PIP4P2: variants seen among roughly 807,000 people sequenced by gnomAD.
PIP4P2 encodes type 2 phosphatidylinositol 4,5-bisphosphate 4-phosphatase.
PIP4P2 carries 19 observed loss-of-function variants against 33.3 expected under a neutral mutation model. The ratio of observed to expected loss-of-function variants is 0.57; its 90% CI spans 0.40 to 0.84. The LOEUF is 0.84. Among genes scored for constraint, PIP4P2 ranks in the 40% least tolerant of loss-of-function variants. The pLI is 0.00. For missense variants in PIP4P2, 270 were observed against 324.7 expected, an observed-to-expected ratio of 0.83 and a Z score of 1.29; for synonymous variants, 110 against 111.9, an observed-to-expected ratio of 0.98 and a Z score of 0.11.
chr8:91,040,530 C>A, intron 1 of PIP4P2, 114 bp downstream of exon 1: 1 of 1,237,584 alleles, frequency 8.1e-7, no homozygotes, highest in Non-Finnish European at 1.2e-6. Context: ...TTCCTCAGCC[C>A]AAGCGAGAGG....
chr8:91,038,829 A>C (rs1286488893), intron 1 of PIP4P2, among the ~76,000 whole-genome samples: 1 of 152,210 alleles, frequency 6.6e-6, no homozygotes, highest in Non-Finnish European at 1.5e-5. Flanking sequence ...TTCACCAATT[A>C]AGAAAAAATG....
chr8:91,007,416 C>T (rs1811777937), intron 5 of PIP4P2, among the ~76,000 whole-genome samples: 1 of 152,034 alleles, frequency 6.6e-6, no homozygotes, highest in African/African-American at 2.4e-5. Flanking sequence ...TCCTATAAAC[C>T]ATTCTTGGGA....
chr8:91,040,418 T>TCACCACCAC lies in PIP4P2; in HGVS notation c.106+217_106+225dup, dbSNP rs58764824. 5.2e-4 allele frequency among the ~76,000 whole-genome samples: 68 copies of TCACCACCAC among 131,582 alleles called. 1 individual carries two copies. In the East Asian group the frequency reaches 0.01, roughly 20 times the overall value. 86.3% of individuals were successfully genotyped at this position (131,582 alleles called of 152,430 possible). ...ATCACCACCACCACCACCACCACCA[T>TCACCACCAC]CACCACCACCACCACCACCACCATC... On this transcript the variant is annotated intron_variant, in intron 1 of 6. Transcript: ENST00000285419.
At chr8:91,035,610 T>A (rs915889273) in intron 1 of PIP4P2, among the ~76,000 whole-genome samples, 1 of 152,224 alleles carries the variant, frequency 6.6e-6, no homozygotes, top group Non-Finnish European at 1.5e-5. Flanking sequence ...TTCAAAGCTT[T>A]GTCCAGGCTT....
At chr8:91,028,825 A>G (rs1159202956) in intron 1 of PIP4P2, among the ~76,000 whole-genome samples, 1 of 152,176 alleles carries the variant, frequency 6.6e-6, no homozygotes, top group Admixed American at 6.5e-5. Flanking sequence ...CTGCTTCATA[A>G]CTGAAGTGAT....
chr8:91,008,400 T>C (rs943925893), intron 5 of PIP4P2, among the ~76,000 whole-genome samples: 2 of 152,004 alleles, frequency 1.3e-5, no homozygotes, highest in Non-Finnish European at 2.9e-5. Flanking sequence ...ACAATTTGAG[T>C]TTTCTCCTAG....
At position 91,034,024 on chromosome 8, in the gene PIP4P2, G is replaced by A. The variant is rs117483084; in HGVS notation, c.106+6620C>T. Among the ~76,000 whole-genome samples, 153 of 151,984 alleles carry A rather than the reference G, an allele frequency of 1.0e-3. 3 individuals are homozygous for A. In the East Asian group the frequency reaches 0.028, roughly 28 times the overall value. On this transcript the variant is annotated intron_variant, in intron 1 of 6. Coordinates refer to ENST00000285419, the MANE Select transcript of PIP4P2 (RefSeq NM_018710.3). ...GCACTCTTTCAGTAAATCTTCCAAA[G>A]GCTGATCCAACTCATGTTTCAGGTC...
At chr8:91,011,738 T>A (rs1424113942) in intron 4 of PIP4P2, among the ~76,000 whole-genome samples, 1 of 152,010 alleles carries the variant, frequency 6.6e-6, no homozygotes, top group African/African-American at 2.4e-5. Context: ...TTATCCATGG[T>A]CCCAGCTAGG....
intron 4 of PIP4P2, among the ~76,000 whole-genome samples, chr8:91,016,412 A>G (rs113827145): frequency 3.3e-5 from 5 of 152,302 alleles, no homozygotes; most frequent in Admixed American, 1.3e-4. Context: ...AGAACACTGA[A>G]GAAAATGAAA....
intron 5 of PIP4P2, among the ~76,000 whole-genome samples, chr8:91,002,994 T>C (rs1172945057): frequency 6.6e-6 from 1 of 152,222 alleles, no homozygotes; most frequent in African/African-American, 2.4e-5. Flanking sequence ...GAGTTTGATT[T>C]TGGATTTTAG....
At chr8:91,039,020 T>TC (rs1563571152) in intron 1 of PIP4P2, among the ~76,000 whole-genome samples, 35 of 151,536 alleles carry the variant, frequency 2.3e-4, no homozygotes, top group African/African-American at 8.0e-4. Flanking sequence ...GTCTATAAGC[T>TC]GATCCCTGAG....
chr8:91,020,301 C>G lies in PIP4P2; in HGVS notation c.256-38G>C, dbSNP rs752914971. ...AGAAAATGCAAACACAGCAATTAAC[C>G]AAAGTACAGATTGTCAAAGTTTGTT... On this transcript the variant is annotated intron_variant, in intron 2 of 6. Transcript: ENST00000285419. 5 of 1,570,194 alleles carry G rather than the reference C, an allele frequency of 3.2e-6. No individual in the cohort carries two copies. In the East Asian group the frequency reaches 1.1e-4, roughly 35 times the overall value.
Position 90,995,773 on chromosome 8 carries a change from A to T in PIP4P2, c.678T>A (p.Ser226=). 5 of 1,613,056 alleles carry T rather than the reference A, an allele frequency of 3.1e-6. No individual in the cohort carries two copies. The highest frequency in any genetic ancestry group is 4.2e-6 in the Non-Finnish European group (5 of 1,179,520). ...FARRFRATYV[S]WAIAYLLGLI... ...ATCCTAGGAGATAAGCAATTGCCCA[A>T]GAAACATAGGTTGCTCGAAATCGCC... The change falls in exon 7 of 7, where the codon TCT becomes TCA. Residue 226 remains serine, a synonymous_variant. Transcript: ENST00000285419.
At position 90,995,675 on chromosome 8, in the gene PIP4P2, G is replaced by A. The variant is rs1811618785; in HGVS notation, c.*2C>T. 1 of 1,608,134 alleles carries A rather than the reference G, an allele frequency of 6.2e-7. No homozygotes were observed. Among genetic ancestry groups the A allele is most frequent in the African/African-American group, 1.3e-5 (1 of 74,618 alleles). ...ACCTGCATTACTGAATCATAAACAA[G>A]CTTATGCAAAACTGTGTTCTGGATA... On this transcript the variant is annotated 3_prime_UTR_variant, in exon 7 of 7. Transcript: ENST00000285419.
At chr8:91,011,565 A>G (rs1006046779) in intron 4 of PIP4P2, among the ~76,000 whole-genome samples, 27 of 152,064 alleles carry the variant, frequency 1.8e-4, no homozygotes, top group African/African-American at 6.5e-4. Flanking sequence ...GGTATATGCT[A>G]AAACTGCTAA....
At chr8:91,033,853 C>T (rs1368115856) in intron 1 of PIP4P2, among the ~76,000 whole-genome samples, 1 of 152,176 alleles carries the variant, frequency 6.6e-6, no homozygotes, top group Non-Finnish European at 1.5e-5. Flanking sequence ...AATCGCAGCT[C>T]ACTGCAGCCT....
chr8:90,998,971 A>G lies in PIP4P2; in HGVS notation c.540-2227T>C, dbSNP rs1404068342. Reference sequence around the variant, plus strand: ...TTTTGCACATCAAAGGAAACTATCAACAGGGTGAACAGACAACCTACAGAA... The same window carrying G: ...TTTTGCACATCAAAGGAAACTATCAGCAGGGTGAACAGACAACCTACAGAA... On this transcript the variant is annotated intron_variant, in intron 5 of 6. Coordinates refer to ENST00000285419, the MANE Select transcript of PIP4P2 (RefSeq NM_018710.3). Among the ~76,000 whole-genome samples, 5 of 152,018 alleles carry G rather than the reference A, an allele frequency of 3.3e-5. No homozygotes were observed. In the East Asian group the frequency reaches 9.6e-4, roughly 29 times the overall value.
intron 4 of PIP4P2, among the ~76,000 whole-genome samples, chr8:91,013,044 T>C (rs959399368): frequency 2.0e-5 from 3 of 152,178 alleles, no homozygotes; most frequent in African/African-American, 4.8e-5. Context: ...TTTATGCTAT[T>C]CTTGACTATC....
rs1024889336 is a variant in PIP4P2, at chr8:90,994,384, T to A, written c.*1293A>T. On this transcript the variant is annotated 3_prime_UTR_variant, in exon 7 of 7. Transcript: ENST00000285419. ...AAGTGTACATGTATTTTGCTTCAAA[T>A]TCTGTGATGAGTACGTTTTTATACT... is the stretch of plus-strand genomic sequence containing the variant. 2.6e-5 allele frequency: 4 copies of A among 152,146 alleles called. No individual in the cohort carries two copies. The highest frequency in any genetic ancestry group is 9.6e-5 in the African/African-American group (4 of 41,464). 9.4% of individuals were successfully genotyped at this position (152,146 alleles called of 1,614,324 possible).
Sources: allele counts gnomAD v4.1 joint callset (sites outside exome capture counted in the v4.1 genomes callset), GRCh38; gene constraint gnomAD v4.1.1; transcripts MANE v1.5; gene names NCBI Gene and HGNC (gene_info 2026-07-23, HGNC 2026-07-21).